The following TYW1B variants were observed in gnomAD, a reference collection of about 807,000 sequenced individuals.
TYW1B encodes tRNA-yW synthesizing protein 1 homolog B.
Under a neutral mutation model 86.9 loss-of-function variants are expected in TYW1B, and 73 were observed. That is an observed-to-expected ratio of 0.84 (90% CI 0.70 to 1.02). TYW1B has a LOEUF of 1.02. TYW1B is among the 50% of genes least tolerant of loss of function. The pLI is 0.00. For missense variants in TYW1B, 637 were observed against 827.4 expected (o/e 0.77, Z 2.82); for synonymous variants, 248 against 292.8 (o/e 0.85, Z 1.56).
intron 11 of TYW1B, among the ~76,000 whole-genome samples, chr7:72,657,186 G>C (rs1421068824): frequency 6.6e-6 from 1 of 152,104 alleles, no homozygotes; most frequent in Non-Finnish European, 1.5e-5. Flanking sequence ...TCTTGGAACA[G>C]AAGAATTTAA....
chr7:72,606,559 A>C (rs59021835), intron 13 of TYW1B, among the ~76,000 whole-genome samples: 30,061 of 151,242 alleles, frequency 0.2, 3,026 homozygotes, highest in African/African-American at 0.25. Flanking sequence ...GTGTCAGAAG[A>C]AGCTTAGTGG....
chr7:72,601,852 A>G (rs1554433827), intron 13 of TYW1B, among the ~76,000 whole-genome samples: 1 of 152,112 alleles, frequency 6.6e-6, no homozygotes. Context: ...AGGCACAACT[A>G]TAAATATAGA....
intron 2 of TYW1B, among the ~76,000 whole-genome samples, chr7:72,818,367 A>C (rs1165758759): frequency 2.0e-5 from 3 of 151,904 alleles, no homozygotes; most frequent in Admixed American, 6.6e-5. Context: ...GGATCACTTG[A>C]GGTCAGGAGT....
chr7:72,799,308 G>A (rs1219933805), intron 6 of TYW1B, among the ~76,000 whole-genome samples: 4 of 143,104 alleles, frequency 2.8e-5, no homozygotes, highest in Admixed American at 2.1e-4. Context: ...ACAGGTTTGC[G>A]CCACTATGCC....
At chr7:72,692,132 G>A (rs1554450405) in intron 11 of TYW1B, among the ~76,000 whole-genome samples, 1 of 150,020 alleles carries the variant, frequency 6.7e-6, no homozygotes, top group East Asian at 1.9e-4. Flanking sequence ...CTTGAACCCG[G>A]GAGGTAGATG....
chr7:72,724,051 T>G (rs1364592863), intron 9 of TYW1B, among the ~76,000 whole-genome samples: 1 of 151,664 alleles, frequency 6.6e-6, no homozygotes, highest in African/African-American at 2.4e-5. Flanking sequence ...ATTATAGCAA[T>G]AAGATGGATT....
rs1343752381 is a variant in TYW1B, at chr7:72,582,792, A to C, written c.1786-7073T>G. ...AAGTCTGAGAGGCAATATATTTGAG[A>C]TGGCAGAGAGTTTGAGAGTTGTTAA... is the stretch of plus-strand genomic sequence containing the variant. On this transcript the variant is annotated intron_variant, in intron 13 of 13. Transcript: ENST00000620995. Among the ~76,000 whole-genome samples, 3 of 152,226 alleles carry C rather than the reference A, an allele frequency of 2.0e-5. No individual in the cohort carries two copies. In the East Asian group the frequency reaches 5.8e-4, roughly 29 times the overall value.
intron 11 of TYW1B, among the ~76,000 whole-genome samples, chr7:72,661,316 C>A (rs1813325867): frequency 6.7e-6 from 1 of 148,840 alleles, no homozygotes; most frequent in African/African-American, 2.5e-5. Context: ...TAAAATTTAC[C>A]CACAGGTTTT....
chr7:72,768,516 G>A lies in TYW1B; in HGVS notation c.964+8900C>T, dbSNP rs570686381. On this transcript the variant is annotated intron_variant, in intron 7 of 13. Transcript: ENST00000620995. ...AAAATCAAACCTGTAGGCCAGGCGC[G>A]GTGGCTCACGCCTGTAATCCCAGCA... Among the ~76,000 whole-genome samples the A allele has an allele frequency of 4.0e-3, 613 of 152,194 alleles. 4 individuals carry two copies. The highest frequency in any genetic ancestry group is 0.014 in the African/African-American group (592 of 41,540).
chr7:72,637,662 CTA>C (rs1812703344), intron 11 of TYW1B, among the ~76,000 whole-genome samples: 1 of 148,980 alleles, frequency 6.7e-6, no homozygotes, highest in African/African-American at 2.5e-5. Flanking sequence ...AGTACTTACT[CTA>C]TGTTTAATCT....
intron 11 of TYW1B, among the ~76,000 whole-genome samples, chr7:72,643,272 AAG>A (rs1417061165): frequency 3.9e-5 from 6 of 152,294 alleles, no homozygotes; most frequent in African/African-American, 1.4e-4. Flanking sequence ...AAAATTTAAC[AAG>A]AGTTACAAAT....
chr7:72,763,731 T>A (rs1563086020), intron 7 of TYW1B, among the ~76,000 whole-genome samples: 1 of 152,232 alleles, frequency 6.6e-6, no homozygotes, highest in Non-Finnish European at 1.5e-5. Flanking sequence ...CTCTGGCAGG[T>A]TTCCACAGAA....
At chr7:72,789,675 C>G (rs797034533) in intron 6 of TYW1B, among the ~76,000 whole-genome samples, 7 of 151,870 alleles carry the variant, frequency 4.6e-5, no homozygotes, top group African/African-American at 1.7e-4. Context: ...CAGAGTGTTG[C>G]TATGTTGCCG....
At chr7:72,721,196 G>T (rs1786894446) in intron 9 of TYW1B, among the ~76,000 whole-genome samples, 2 of 152,134 alleles carry the variant, frequency 1.3e-5, no homozygotes, top group South Asian at 4.1e-4. Flanking sequence ...GAATAGTGCT[G>T]CAACAAACAT....
chr7:72,673,937 C>T (rs1472337727), intron 11 of TYW1B, among the ~76,000 whole-genome samples: 2 of 152,122 alleles, frequency 1.3e-5, no homozygotes, highest in Admixed American at 6.6e-5. Flanking sequence ...GAACCCTCCT[C>T]CTTCATAGAG....
intron 12 of TYW1B, among the ~76,000 whole-genome samples, chr7:72,625,013 T>C (rs1812307823): frequency 6.6e-6 from 1 of 151,380 alleles, no homozygotes. Context: ...GAACCGAGAT[T>C]GTGCCAGTGC....
intron 12 of TYW1B, among the ~76,000 whole-genome samples, chr7:72,626,593 A>AG (rs1812354500): frequency 6.6e-6 from 1 of 152,158 alleles, no homozygotes; most frequent in Non-Finnish European, 1.5e-5. Context: ...CCTGTATCTC[A>AG]GCAAACAGTT....
chr7:72,773,857 G>A (rs1787906593), intron 7 of TYW1B, among the ~76,000 whole-genome samples: 1 of 152,104 alleles, frequency 6.6e-6, no homozygotes, highest in Admixed American at 6.6e-5. Context: ...CTGAGGTCAG[G>A]AGTTCGAGAA....
At chr7:72,670,617 G>A (rs1169252310) in intron 11 of TYW1B, among the ~76,000 whole-genome samples, 4 of 152,198 alleles carry the variant, frequency 2.6e-5, no homozygotes, top group Non-Finnish European at 4.4e-5. Context: ...ATGGTGCCCT[G>A]GGAGTCAAAC....
Sources: gnomAD v4.1 joint callset for allele counts (sites outside exome capture counted in the v4.1 genomes callset) on GRCh38, gnomAD v4.1.1 for gene constraint, MANE v1.5 for transcripts, NCBI Gene and HGNC (gene_info 2026-07-23, HGNC 2026-07-21) for gene names.